The following GPC6 variants were observed in gnomAD, a reference collection of about 807,000 sequenced individuals.
GPC6 encodes glypican-6.
Under a neutral mutation model 55.2 loss-of-function variants are expected in GPC6, and 14 were observed. That is an observed-to-expected ratio of 0.25 (90% CI 0.17 to 0.40). The LOEUF is 0.40. Ranked by LOEUF, GPC6 falls within the 10% of genes least tolerant of loss-of-function variation. The pLI is 1.00. For missense variants in GPC6, 641 were observed against 708.5 expected, an observed-to-expected ratio of 0.90 and a Z score of 1.08; for synonymous variants, 278 against 259.6, an observed-to-expected ratio of 1.07 and a Z score of -0.68.
At chr13:94,239,829 C>G (rs1890998810) in intron 4 of GPC6, among the ~76,000 whole-genome samples, 1 of 152,056 alleles carries the variant, frequency 6.6e-6, no homozygotes, top group South Asian at 2.1e-4. Context: ...GTTCGGCTCT[C>G]AATCCACTCA....
chr13:94,038,725 G>T (rs1883425298), intron 4 of GPC6, among the ~76,000 whole-genome samples: 1 of 151,952 alleles, frequency 6.6e-6, no homozygotes, highest in South Asian at 2.1e-4. Flanking sequence ...GAGGGCAGAA[G>T]AAATGTGGGC....
intron 3 of GPC6, among the ~76,000 whole-genome samples, chr13:93,990,860 C>T (rs1033046741): frequency 7.1e-6 from 1 of 141,004 alleles, no homozygotes; most frequent in Non-Finnish European, 1.5e-5. Context: ...AAGACCCTGT[C>T]AAAAGAAAAA....
chr13:93,518,232 G>C (rs1470905620), intron 1 of GPC6, among the ~76,000 whole-genome samples: 2 of 151,888 alleles, frequency 1.3e-5, no homozygotes, highest in Non-Finnish European at 2.9e-5. Context: ...TCTAGACAGA[G>C]TTTTGATCAT....
intron 3 of GPC6, among the ~76,000 whole-genome samples, chr13:94,016,953 A>G (rs1055143064): frequency 4.0e-5 from 6 of 150,218 alleles, no homozygotes; most frequent in African/African-American, 1.5e-4. Context: ...TCCTCTCTCA[A>G]CCTCCTGAGT....
At position 94,248,684 on chromosome 13, in the gene GPC6, A is replaced by T. The variant is rs1263244506; in HGVS notation, c.878-37665A>T. On this transcript the variant is annotated intron_variant, in intron 4 of 8. Coordinates refer to ENST00000377047, the MANE Select transcript of GPC6 (RefSeq NM_005708.5). ...ATGACCATTTCAGGCTGAGAGAGAG[A>T]GAGAGAGAGAGAGGTTTATAAATTA... 2.0e-5 allele frequency among the ~76,000 whole-genome samples: 3 copies of T among 151,908 alleles called. No individual in the cohort carries two copies. In the East Asian group the frequency reaches 5.8e-4, roughly 30 times the overall value.
At chr13:93,217,970 A>G in the GPC6 span, among the ~76,000 whole-genome samples, 205 of 152,324 alleles carry the variant, frequency 1.3e-3, 2 homozygotes, top group African/African-American at 4.7e-3. Context: ...AATGTCCTCA[A>G]CATTGATTGG....
At chr13:94,147,246 C>A (rs2138889576) in intron 4 of GPC6, among the ~76,000 whole-genome samples, 1 of 152,206 alleles carries the variant, frequency 6.6e-6, no homozygotes, top group Non-Finnish European at 1.5e-5. Flanking sequence ...CCTATCTCAA[C>A]TCTCCTTATT....
intron 1 of GPC6, among the ~76,000 whole-genome samples, chr13:93,330,344 G>A (rs1431575022): frequency 6.6e-6 from 1 of 152,064 alleles, no homozygotes; most frequent in Non-Finnish European, 1.5e-5. Context: ...GGGTAGCATG[G>A]CAAGATGCCA....
chr13:94,176,047 A>G (rs1270597905), intron 4 of GPC6, among the ~76,000 whole-genome samples: 2 of 150,782 alleles, frequency 1.3e-5, no homozygotes, highest in Non-Finnish European at 3.0e-5. Flanking sequence ...TGAGCTATTC[A>G]TTTTATTATT....
At chr13:94,298,114 A>G (rs1360238738) in intron 5 of GPC6, among the ~76,000 whole-genome samples, 3 of 152,186 alleles carry the variant, frequency 2.0e-5, no homozygotes, top group Admixed American at 1.3e-4. Context: ...AGTCGTCATC[A>G]AGATGTTTTA....
At chr13:94,165,247 TAC>T (rs1566488746) in intron 4 of GPC6, among the ~76,000 whole-genome samples, 40 of 147,630 alleles carry the variant, frequency 2.7e-4, no homozygotes, top group Non-Finnish European at 5.6e-4. Flanking sequence ...TATATATGTA[TAC>T]ATATATGTAT....
intron 3 of GPC6, among the ~76,000 whole-genome samples, chr13:93,881,862 C>T (rs2225335): frequency 6.6e-6 from 1 of 151,662 alleles, no homozygotes; most frequent in African/African-American, 2.4e-5. Context: ...CATGATCTGC[C>T]ATTTATTCTC....
intron 4 of GPC6, among the ~76,000 whole-genome samples, chr13:94,050,151 A>AT (rs1462200919): frequency 6.6e-6 from 1 of 151,454 alleles, no homozygotes; most frequent in African/African-American, 2.4e-5. Flanking sequence ...AAATACAGGT[A>AT]TTTTTTCTCC....
At chr13:93,231,138 G>A (rs546840791) in intron 1 of GPC6, among the ~76,000 whole-genome samples, 26 of 151,352 alleles carry the variant, frequency 1.7e-4, no homozygotes, top group African/African-American at 6.3e-4. Context: ...TGTGTGACAG[G>A]AACTTTAATA....
chr13:93,983,372 T>C (rs998864617), intron 3 of GPC6, among the ~76,000 whole-genome samples: 2 of 152,156 alleles, frequency 1.3e-5, no homozygotes, highest in Non-Finnish European at 2.9e-5. Flanking sequence ...ATCAGCTTTC[T>C]GGTATGTTGG....
intron 5 of GPC6, among the ~76,000 whole-genome samples, chr13:94,289,098 T>C (rs1270224864): frequency 6.6e-6 from 1 of 150,462 alleles, no homozygotes; most frequent in Non-Finnish European, 1.5e-5. Context: ...ACTTGGCACA[T>C]AGAAATTGTA....
At chr13:93,811,758 G>C (rs1187336773) in intron 2 of GPC6, among the ~76,000 whole-genome samples, 2 of 152,158 alleles carry the variant, frequency 1.3e-5, no homozygotes, top group Non-Finnish European at 2.9e-5. Flanking sequence ...AATTAATTGG[G>C]AAGGAATTGC....
At chr13:94,338,769 T>TA (rs1179817963) in intron 6 of GPC6, among the ~76,000 whole-genome samples, 1 of 152,218 alleles carries the variant, frequency 6.6e-6, no homozygotes, top group Non-Finnish European at 1.5e-5. Context: ...TAAACCCATG[T>TA]AAAATGCCTC....
chr13:93,275,337 G>T (rs9584099), intron 1 of GPC6, among the ~76,000 whole-genome samples: 16,196 of 152,146 alleles, frequency 0.11, 1,111 homozygotes, highest in East Asian at 0.36. Context: ...AGATCCTTTT[G>T]TTTTAGACCT....
Sources: gnomAD v4.1 joint callset for allele counts (sites outside exome capture counted in the v4.1 genomes callset) on GRCh38, gnomAD v4.1.1 for gene constraint, MANE v1.5 for transcripts, NCBI Gene and HGNC (gene_info 2026-07-23, HGNC 2026-07-21) for gene names.